The following TRIM62 variants were observed in gnomAD, a reference collection of about 807,000 sequenced individuals.
The protein encoded by TRIM62 is E3 ubiquitin-protein ligase TRIM62.
In TRIM62, 39 loss-of-function variants were observed where a neutral mutation model predicts 44.2. The ratio of observed to expected loss-of-function variants is 0.88; its 90% confidence interval spans 0.68 to 1.15. TRIM62 has a LOEUF of 1.15. TRIM62 is among the 50% of genes most tolerant of loss of function. TRIM62 has a pLI of 0.00. For missense variants in TRIM62, 544 were observed against 665.5 expected, an observed-to-expected ratio of 0.82 and a Z score of 2.01; for synonymous variants, 278 against 292.3, an observed-to-expected ratio of 0.95 and a Z score of 0.50.
intron 4 of TRIM62, among the ~76,000 whole-genome samples, chr1:33,157,198 T>C (rs1418835065): frequency 6.6e-6 from 1 of 152,182 alleles, no homozygotes; most frequent in Non-Finnish European, 1.5e-5. Flanking sequence ...TGGCCACTGC[T>C]ACCTTCTCAG....
Position 33,158,362 on chromosome 1 carries a change from C to T in TRIM62, c.768G>A (p.Lys256=), listed in dbSNP as rs748417627. ...TGAGGTTGGTCTCATGGATTTTTCC[C>T]TTGAGCCTGGAAGGAGAGCAGGAAA... ...AGVASLSERL[K]GKIHETNLTY... is the part of the protein sequence containing the mutation. Residue 256 remains lysine, a synonymous_variant, in exon 4 of 5, where the codon AAG becomes AAA. Coordinates refer to ENST00000291416, the MANE Select transcript of TRIM62 (RefSeq NM_018207.3). 5 of 1,613,442 alleles carry T rather than the reference C, an allele frequency of 3.1e-6. No homozygotes were observed. Among genetic ancestry groups the T allele is most frequent in the Non-Finnish European group, 1.7e-6 (2 of 1,179,552 alleles).
intron 4 of TRIM62, among the ~76,000 whole-genome samples, chr1:33,154,088 C>T (rs746563851): frequency 7.9e-5 from 12 of 152,076 alleles, no homozygotes; most frequent in Non-Finnish European, 1.2e-4. Context: ...GGGCTGCAGC[C>T]GAAGGGAATG....
chr1:33,147,701 C>A lies in TRIM62; in HGVS notation c.904G>T (p.Gly302Cys). The A allele has an allele frequency of 1.2e-6, 2 of 1,612,914 alleles. No homozygotes were observed. Among genetic ancestry groups the A allele is most frequent in the African/African-American group, 1.3e-5 (1 of 75,020 alleles). Reference protein sequence around the residue: ...PVPAALTLDPGTAHQRLILSD... With the variant: ...PVPAALTLDPCTAHQRLILSD... Reference sequence around the variant, plus strand: ...AGGATCAGGCGCTGGTGGGCTGTGCCCGGGTCCAGGGTTAGGGCGGCTGGC... The same window carrying A: ...AGGATCAGGCGCTGGTGGGCTGTGCACGGGTCCAGGGTTAGGGCGGCTGGC... Residue 302 changes from glycine (G) to cysteine (C), a missense_variant, in exon 5 of 5, where the codon GGC becomes TGC. Transcript: ENST00000291416. The surrounding 1 kb of genome is among the most constrained non-coding windows in gnomAD (Gnocchi z 8.1).
chr1:33,180,927 A>T, intron 1 of TRIM62, 98 bp downstream of exon 1: 46 of 673,662 alleles, frequency 6.8e-5, no homozygotes, highest in Non-Finnish European at 9.2e-5. Flanking sequence ...GACCATTCTG[A>T]CTGGGCCTGG....
intron 4 of TRIM62, among the ~76,000 whole-genome samples, chr1:33,156,954 C>T (rs1037216058): frequency 5.3e-5 from 8 of 150,914 alleles, no homozygotes; most frequent in African/African-American, 2.0e-4. Flanking sequence ...CTACCACCAC[C>T]CTGCTTCACG....
intron 3 of TRIM62, among the ~76,000 whole-genome samples, chr1:33,158,984 G>T (rs996424788): frequency 1.3e-5 from 2 of 152,186 alleles, no homozygotes; most frequent in African/African-American, 4.8e-5. Context: ...GGGACTACAG[G>T]TGCCTGCCAC....
At chr1:33,166,031 C>T (rs1645324917) in intron 1 of TRIM62, 1 of 152,654 alleles carries the variant, frequency 6.6e-6, no homozygotes, top group Non-Finnish European at 1.5e-5. Context: ...GCATTACCAC[C>T]TGACTCCACC....
At chr1:33,154,196 C>T (rs545157932) in intron 4 of TRIM62, among the ~76,000 whole-genome samples, 8 of 152,338 alleles carry the variant, frequency 5.3e-5, no homozygotes, top group Admixed American at 3.9e-4. Context: ...TGTGGTGGCT[C>T]ACGCCTGTAA....
In TRIM62 at chr1:33,167,563, C is replaced by T. The variant is rs1230958631; in HGVS notation, c.409-1997G>A. On this transcript the variant is annotated intron_variant, in intron 1 of 4. Coordinates refer to ENST00000291416, the MANE Select transcript of TRIM62 (RefSeq NM_018207.3). This position sits in a 1 kb window ranked among gnomAD's most constrained non-coding sequence, Gnocchi z 4.2. ...GCTCCTACTGCTCCCTCTCCATATACCTCACACCCAGCAACAGCCTGGCAC... is the reference window on the plus strand; with the variant it reads ...GCTCCTACTGCTCCCTCTCCATATATCTCACACCCAGCAACAGCCTGGCAC... Among the ~76,000 whole-genome samples the T allele has an allele frequency of 6.6e-6, 1 of 152,184 alleles. No individual in the cohort carries two copies. Among genetic ancestry groups the T allele is most frequent in the Non-Finnish European group, 1.5e-5 (1 of 68,032 alleles).
chr1:33,161,597 C>T lies in TRIM62; in HGVS notation c.505-1653G>A, dbSNP rs944246863. Among the ~76,000 whole-genome samples, 4 of 152,044 alleles carry T rather than the reference C, an allele frequency of 2.6e-5. No individual in the cohort carries two copies. Among genetic ancestry groups the T allele is most frequent in the African/African-American group, 7.2e-5 (3 of 41,396 alleles). On this transcript the variant is annotated intron_variant, in intron 2 of 4. Coordinates refer to ENST00000291416, the MANE Select transcript of TRIM62 (RefSeq NM_018207.3). This position sits in a 1 kb window ranked among gnomAD's most constrained non-coding sequence, Gnocchi z 4.3. The stretch of plus-strand genomic sequence containing the variant: ...AGAACGCCAGGCAGACAAAGGGGGG[C>T]GGACGAGAGTCTGGGGATGCACGGC...
At position 33,159,842 on chromosome 1, in the gene TRIM62, C is replaced by T; in HGVS notation, c.607G>A (p.Asp203Asn). 2 of 1,613,608 alleles carry T rather than the reference C, an allele frequency of 1.2e-6. No individual in the cohort carries two copies. The highest frequency in any genetic ancestry group is 1.7e-6 in the Non-Finnish European group (2 of 1,180,020). ...ATGTCGGTCAGCGTGCGGGCCGTGTCCGCCTCCAGCTCCTCTAGCATGGCC... is the reference window on the plus strand; with the variant it reads ...ATGTCGGTCAGCGTGCGGGCCGTGTTCGCCTCCAGCTCCTCTAGCATGGCC... The part of the protein sequence containing the change: ...QKAMLEELEA[D>N]TARTLTDIEQ... The change falls in exon 3 of 5, where the codon GAC becomes AAC. Residue 203 changes from aspartate to asparagine, a missense_variant. Transcript: ENST00000291416. The surrounding 1 kb of genome is among the most constrained non-coding windows in gnomAD (Gnocchi z 4.2).
Position 33,147,514 on chromosome 1 carries a change from A to G in TRIM62, c.1091T>C (p.Val364Ala), listed in dbSNP as rs756496872. Residue 364 changes from valine (V) to alanine (A), a missense_variant, in exon 5 of 5, where the codon GTG becomes GCG. Transcript: ENST00000291416. This position sits in a 1 kb window ranked among gnomAD's most constrained non-coding sequence, Gnocchi z 8.1. Reference protein sequence around the residue: ...EVVVAEKTQWVIGLAHEAASR... With the variant: ...EVVVAEKTQWAIGLAHEAASR... ...TGCGGCTTCGTGTGCCAGCCCGATC[A>G]CCCACTGGGTCTTCTCCGCCACCAC... The G allele has an allele frequency of 6.2e-7, 1 of 1,613,148 alleles. No homozygotes were observed. The highest frequency in any genetic ancestry group is 1.3e-5 in the African/African-American group (1 of 74,884).
At position 33,181,488 on chromosome 1, in the gene TRIM62, C is replaced by A; in HGVS notation, c.-56G>T. 1.3e-6 allele frequency: 2 copies of A among 1,517,080 alleles called. No individual in the cohort carries two copies. The allele number at this position is 1,517,080 out of a possible 1,614,324, so 94.0% of individuals were successfully genotyped here. On this transcript the variant is annotated 5_prime_UTR_variant, in exon 1 of 5. Coordinates refer to ENST00000291416, the MANE Select transcript of TRIM62 (RefSeq NM_018207.3). This position sits in a 1 kb window ranked among gnomAD's most constrained non-coding sequence, Gnocchi z 6.5. Reference sequence around the variant, plus strand: ...AGGGGCAGGGGGGCGGCTGAGAGAGCGCGGCGCTGTCGGAGGCAGCACCGA... The same window carrying A: ...AGGGGCAGGGGGGCGGCTGAGAGAGAGCGGCGCTGTCGGAGGCAGCACCGA...
chr1:33,176,743 T>C (rs1645422667), intron 1 of TRIM62, among the ~76,000 whole-genome samples: 1 of 152,224 alleles, frequency 6.6e-6, no homozygotes, highest in Non-Finnish European at 1.5e-5. Flanking sequence ...CTTCCAATCC[T>C]GGCCCTGCCA....
chr1:33,165,730 C>T lies in TRIM62; in HGVS notation c.409-164G>A, dbSNP rs1157195451. On this transcript the variant is annotated intron_variant, in intron 1 of 4. Coordinates refer to ENST00000291416, the MANE Select transcript of TRIM62 (RefSeq NM_018207.3). This position sits in a 1 kb window ranked among gnomAD's most constrained non-coding sequence, Gnocchi z 4.0. ...CACCAGCAAGTCCTGTAGAGTCTGT[C>T]TCCTAAACACCTCCAGAACCCGTCC... is the stretch of plus-strand genomic sequence containing the variant. 4.0e-6 allele frequency: 2 copies of T among 497,024 alleles called. No individual in the cohort carries two copies. Among genetic ancestry groups the T allele is most frequent in the Non-Finnish European group, 7.0e-6 (2 of 286,590 alleles). 30.8% of individuals were successfully genotyped at this position (497,024 alleles called of 1,614,324 possible). A position where few individuals can be genotyped will look rare whatever the true frequency, so the allele number is the denominator to read the frequency against.
intron 4 of TRIM62, among the ~76,000 whole-genome samples, chr1:33,148,693 A>C (rs762934074): frequency 6.6e-6 from 1 of 152,226 alleles, no homozygotes; most frequent in Non-Finnish European, 1.5e-5. Flanking sequence ...TACACACACA[A>C]CACTTGAAAT....
chr1:33,179,489 G>A (rs749660472), intron 1 of TRIM62, among the ~76,000 whole-genome samples: 4 of 152,126 alleles, frequency 2.6e-5, no homozygotes, highest in Non-Finnish European at 5.9e-5. Flanking sequence ...TGAGTATCTC[G>A]AGGCCAGAGA....
In TRIM62 at chr1:33,168,803, TGAG is replaced by T. The variant is rs905658177; in HGVS notation, c.409-3240_409-3238del. Among the ~76,000 whole-genome samples the T allele has an allele frequency of 2.8e-4, 43 of 152,286 alleles. 1 individual carries two copies. Among genetic ancestry groups the T allele is most frequent in the African/African-American group, 9.1e-4 (38 of 41,544 alleles). ...CACAGTGTGGCTGAGAGGCAGATGT[TGAG>T]GAGATGGGCCAAGTGCTACAATTCT... On this transcript the variant is annotated intron_variant, in intron 1 of 4. Coordinates refer to ENST00000291416, the MANE Select transcript of TRIM62 (RefSeq NM_018207.3).
chr1:33,151,107 A>G (rs891975145), intron 4 of TRIM62, among the ~76,000 whole-genome samples: 1 of 152,004 alleles, frequency 6.6e-6, no homozygotes, highest in Non-Finnish European at 1.5e-5. Context: ...GCCACTGATG[A>G]GTGGGAGGGC....
Sources: allele counts gnomAD v4.1 joint callset (sites outside exome capture counted in the v4.1 genomes callset), GRCh38; gene constraint gnomAD v4.1.1; non-coding constraint Gnocchi (gnomAD v3.1); transcripts MANE v1.5; gene names NCBI Gene and HGNC (gene_info 2026-07-23, HGNC 2026-07-21).